GLIS3: variants seen among roughly 807,000 people sequenced by gnomAD.
The protein encoded by GLIS3 is GLIS family zinc finger 3, also known as zinc finger protein GLIS3.
GLIS3 carries 53 observed loss-of-function variants against 78.6 expected under a neutral mutation model. The observed-to-expected ratio is 0.67, with a 90% CI of 0.54 to 0.85. The LOEUF is 0.85. GLIS3 is among the 40% of genes least tolerant of loss of function. The probability of loss-of-function intolerance (pLI) is 0.00; values close to 1 mark genes in which losing one functional copy is unlikely to be tolerated. For synonymous variants in GLIS3, 684 were observed against 509.9 expected (o/e 1.34, Z -4.60); for missense variants, 1,703 against 1,231.1 (o/e 1.38, Z -5.74).
At chr9:4,062,668 C>T (rs1400323829) in intron 4 of GLIS3, among the ~76,000 whole-genome samples, 8 of 152,224 alleles carry the variant, frequency 5.3e-5, no homozygotes, top group Non-Finnish European at 1.0e-4. Flanking sequence ...TGGCTCACGC[C>T]TGTAATCCCA....
the GLIS3 span, among the ~76,000 whole-genome samples, chr9:4,451,522 C>T: frequency 6.6e-6 from 1 of 152,150 alleles, no homozygotes; most frequent in Admixed American, 6.6e-5. Flanking sequence ...ACAGAACTCT[C>T]CACCCCATAT....
rs1817458045 is a variant in GLIS3, at chr9:3,960,231, C to A, written c.1711-23042G>T. Reference sequence around the variant, plus strand: ...AACACTGTGTAAATATGAAGATGGCCATCTATAAGCTAAAGAGAGAAGAGC... The same window carrying A: ...AACACTGTGTAAATATGAAGATGGCAATCTATAAGCTAAAGAGAGAAGAGC... On this transcript the variant is annotated intron_variant, in intron 4 of 10. Transcript: ENST00000381971. Among the ~76,000 whole-genome samples the A allele has an allele frequency of 2.0e-5, 3 of 152,194 alleles. No homozygotes were observed. The South Asian group carries it at 6.2e-4, about 32-fold the overall frequency.
At chr9:4,073,524 T>A (rs1266665944) in intron 4 of GLIS3, among the ~76,000 whole-genome samples, 1 of 152,048 alleles carries the variant, frequency 6.6e-6, no homozygotes, top group Non-Finnish European at 1.5e-5. Context: ...ACACTCAGGG[T>A]GGGACAGGTA....
At chr9:4,281,148 A>G (rs903886727) in intron 2 of GLIS3, among the ~76,000 whole-genome samples, 1 of 152,228 alleles carries the variant, frequency 6.6e-6, no homozygotes, top group African/African-American at 2.4e-5. Flanking sequence ...TTAAACAACC[A>G]CAAATACTAA....
chr9:4,012,965 G>A (rs188282964), intron 4 of GLIS3, among the ~76,000 whole-genome samples: 22 of 151,844 alleles, frequency 1.4e-4, no homozygotes, highest in Non-Finnish European at 2.9e-4. Context: ...TAGAGACGGG[G>A]TTTTGCCATG....
chr9:4,162,426 G>C (rs1835555112), intron 2 of GLIS3, among the ~76,000 whole-genome samples: 1 of 152,076 alleles, frequency 6.6e-6, no homozygotes, highest in Non-Finnish European at 1.5e-5. Context: ...CTTGGTCCAA[G>C]GAATCTGAAG....
At chr9:4,405,998 T>C in the GLIS3 span, among the ~76,000 whole-genome samples, 1 of 152,218 alleles carries the variant, frequency 6.6e-6, no homozygotes, top group African/African-American at 2.4e-5. Context: ...TGAAAAAGCA[T>C]TTGATAAAGT....
chr9:3,913,700 T>C (rs535887479), intron 6 of GLIS3, among the ~76,000 whole-genome samples: 3 of 152,374 alleles, frequency 2.0e-5, no homozygotes, highest in South Asian at 2.1e-4. Flanking sequence ...CTTTTTCATA[T>C]TGAAAAGCAA....
At chr9:3,981,068 G>C (rs1819240446) in intron 4 of GLIS3, among the ~76,000 whole-genome samples, 1 of 152,198 alleles carries the variant, frequency 6.6e-6, no homozygotes, top group South Asian at 2.1e-4. Flanking sequence ...CAAGAACTGA[G>C]AGGAGGGGGT....
chr9:4,211,493 A>C (rs897030931), intron 2 of GLIS3, among the ~76,000 whole-genome samples: 3 of 152,206 alleles, frequency 2.0e-5, no homozygotes, highest in African/African-American at 7.2e-5. Context: ...CCAGCACACA[A>C]CACCAGACGG....
chr9:4,312,028 C>G (rs1817368570), intron 2 of GLIS3, among the ~76,000 whole-genome samples: 1 of 152,186 alleles, frequency 6.6e-6, no homozygotes, highest in Non-Finnish European at 1.5e-5. Context: ...AAAATAACTA[C>G]TGGGTACGAG....
chr9:4,010,127 G>C (rs1821880696), intron 4 of GLIS3, among the ~76,000 whole-genome samples: 1 of 152,254 alleles, frequency 6.6e-6, no homozygotes, highest in East Asian at 1.9e-4. Flanking sequence ...ATCTCCCCCG[G>C]GGTGGGGTGA....
intron 4 of GLIS3, among the ~76,000 whole-genome samples, chr9:3,984,339 A>G (rs1819550623): frequency 6.6e-6 from 1 of 152,244 alleles, no homozygotes; most frequent in South Asian, 2.1e-4. Flanking sequence ...GCCCAAGACC[A>G]TGGGAACACA....
chr9:4,121,297 T>C (rs1228529006), intron 3 of GLIS3, among the ~76,000 whole-genome samples: 1 of 152,252 alleles, frequency 6.6e-6, no homozygotes, highest in African/African-American at 2.4e-5. Flanking sequence ...GTCTGCAATG[T>C]GTCTTAAATG....
At chr9:4,140,418 T>C (rs1315709141) in intron 2 of GLIS3, among the ~76,000 whole-genome samples, 2 of 152,178 alleles carry the variant, frequency 1.3e-5, no homozygotes, top group Admixed American at 1.3e-4. Flanking sequence ...AAAAGACACA[T>C]TCTCTATCAT....
chr9:4,128,819 A>C (rs1439179380), intron 2 of GLIS3, among the ~76,000 whole-genome samples: 2 of 152,186 alleles, frequency 1.3e-5, no homozygotes, highest in East Asian at 3.8e-4. Flanking sequence ...AATGCTAATT[A>C]TCTCCCTAGT....
rs147304247 is a variant in GLIS3 at position 4,219,205 on chromosome 9, G to A, written c.388+66833C>T. ...TGAGACATCCATGTCCTCTTCCACGGTCTCCCCTGTGACCACTGACATAAA... is the reference window on the plus strand; with the variant it reads ...TGAGACATCCATGTCCTCTTCCACGATCTCCCCTGTGACCACTGACATAAA... On this transcript the variant is annotated intron_variant, in intron 2 of 10. Transcript: ENST00000381971. Among the ~76,000 whole-genome samples, 625 of 152,270 alleles carry A rather than the reference G, an allele frequency of 4.1e-3. 2 individuals carry two copies. Among genetic ancestry groups the A allele is most frequent in the Non-Finnish European group, 6.3e-3 (429 of 68,026 alleles).
chr9:4,156,424 C>A (rs1835044167), intron 2 of GLIS3, among the ~76,000 whole-genome samples: 1 of 152,190 alleles, frequency 6.6e-6, no homozygotes, highest in African/African-American at 2.4e-5. Context: ...TCCTTATCCA[C>A]CCAATACACA....
intron 6 of GLIS3, among the ~76,000 whole-genome samples, chr9:3,906,090 G>A (rs1320137899): frequency 1.3e-5 from 2 of 152,212 alleles, no homozygotes; most frequent in South Asian, 4.1e-4. Context: ...GTGAGCAAGG[G>A]AGCAAGAGGA....
Sources: gnomAD v4.1 joint callset for allele counts (sites outside exome capture counted in the v4.1 genomes callset) on GRCh38, gnomAD v4.1.1 for gene constraint, MANE v1.5 for transcripts, NCBI Gene and HGNC (gene_info 2026-07-23, HGNC 2026-07-21) for gene names.